PIP5K1B: variants seen among roughly 807,000 people sequenced by gnomAD.
PIP5K1B encodes the protein phosphatidylinositol-4-phosphate 5-kinase type 1 beta.
In PIP5K1B, 42 loss-of-function variants were observed where a neutral mutation model predicts 67.0. That is an observed-to-expected ratio of 0.63 (90% CI 0.49 to 0.81). The LOEUF (loss-of-function observed/expected upper bound fraction) is 0.81. PIP5K1B is among the 30% of genes least tolerant of loss of function. PIP5K1B has a pLI of 0.00. For missense variants in PIP5K1B, 459 were observed against 646.3 expected, an observed-to-expected ratio of 0.71 and a Z score of 3.14; for synonymous variants, 214 against 231.4, an observed-to-expected ratio of 0.92 and a Z score of 0.68.
chr9:68,970,972 G>A (rs953537596), intron 14 of PIP5K1B, among the ~76,000 whole-genome samples: 1 of 152,110 alleles, frequency 6.6e-6, no homozygotes, highest in African/African-American at 2.4e-5. Flanking sequence ...TAAGAACAGC[G>A]ATTTTTATTA....
rs7020231 is a variant in PIP5K1B at position 68,960,949 on chromosome 9, G to A, written c.1502+20159G>A. On this transcript the variant is annotated intron_variant, in intron 14 of 15. Transcript: ENST00000265382. ...TCACCGGCCGGGCGCGGTGGCTCACGCCTGTAATCCCAGCACTTTGGGAGG... is the reference window on the plus strand; with the variant it reads ...TCACCGGCCGGGCGCGGTGGCTCACACCTGTAATCCCAGCACTTTGGGAGG... 5.6e-3 allele frequency among the ~76,000 whole-genome samples: 853 copies of A among 152,132 alleles called. 12 individuals carry two copies. Among genetic ancestry groups the A allele is most frequent in the African/African-American group, 0.02 (810 of 41,512 alleles).
intron 4 of PIP5K1B, among the ~76,000 whole-genome samples, chr9:68,840,111 A>C (rs993192617): frequency 6.6e-6 from 1 of 152,200 alleles, no homozygotes; most frequent in Non-Finnish European, 1.5e-5. Flanking sequence ...GCACAGTGGC[A>C]CATGCCTGTA....
At chr9:68,983,445 T>C (rs1196545889) in intron 14 of PIP5K1B, among the ~76,000 whole-genome samples, 1 of 152,054 alleles carries the variant, frequency 6.6e-6, no homozygotes, top group Non-Finnish European at 1.5e-5. Flanking sequence ...CTTCCTATCT[T>C]TTTTCTGTGT....
chr9:68,731,091 A>C (rs1372935889), intron 1 of PIP5K1B, among the ~76,000 whole-genome samples: 1 of 152,204 alleles, frequency 6.6e-6, no homozygotes, highest in Non-Finnish European at 1.5e-5. Flanking sequence ...GATCCCTTTC[A>C]ATATGTGTGA....
chr9:68,812,236 T>C (rs1447647166), intron 2 of PIP5K1B, among the ~76,000 whole-genome samples: 1 of 152,230 alleles, frequency 6.6e-6, no homozygotes, highest in East Asian at 1.9e-4. Context: ...AACGGATTCT[T>C]TGAAGAATAA....
At chr9:68,784,422 C>T (rs1831492414) in intron 2 of PIP5K1B, 1 of 166,964 alleles carries the variant, frequency 6.0e-6, no homozygotes, top group Admixed American at 6.5e-5. Context: ...AGATCATTAA[C>T]TCCAAGGCTG....
intron 6 of PIP5K1B, among the ~76,000 whole-genome samples, chr9:68,887,564 G>T (rs1169160364): frequency 6.6e-6 from 1 of 152,212 alleles, no homozygotes; most frequent in East Asian, 1.9e-4. Flanking sequence ...TGCAATGTTT[G>T]TCTTTCTGCA....
At chr9:68,738,292 C>A (rs994393486) in intron 1 of PIP5K1B, among the ~76,000 whole-genome samples, 5 of 152,166 alleles carry the variant, frequency 3.3e-5, no homozygotes, top group African/African-American at 1.2e-4. Flanking sequence ...ATAATTGAAA[C>A]AACAGTTGAT....
intron 15 of PIP5K1B, among the ~76,000 whole-genome samples, chr9:68,999,883 G>A (rs1275523144): frequency 6.6e-6 from 1 of 152,216 alleles, no homozygotes; most frequent in Non-Finnish European, 1.5e-5. Context: ...TGAAGAGCAA[G>A]TGTGTGTCTC....
chr9:68,852,771 T>A (rs1056256791), intron 4 of PIP5K1B, among the ~76,000 whole-genome samples: 1 of 152,182 alleles, frequency 6.6e-6, no homozygotes, highest in Non-Finnish European at 1.5e-5. Context: ...TAGGGGCTAC[T>A]AGAGCTACAG....
intron 14 of PIP5K1B, among the ~76,000 whole-genome samples, chr9:68,972,342 G>C (rs929443472): frequency 6.6e-6 from 1 of 152,114 alleles, no homozygotes; most frequent in Non-Finnish European, 1.5e-5. Context: ...TTCCATTGGT[G>C]TATATATCTG....
intron 14 of PIP5K1B, among the ~76,000 whole-genome samples, chr9:68,955,505 T>A (rs746900159): frequency 6.6e-6 from 1 of 152,210 alleles, no homozygotes; most frequent in Non-Finnish European, 1.5e-5. Context: ...TCCCGTGACA[T>A]AGAAACAGTT....
chr9:68,790,615 C>T (rs1381285412), intron 2 of PIP5K1B, among the ~76,000 whole-genome samples: 3 of 152,226 alleles, frequency 2.0e-5, no homozygotes, highest in African/African-American at 4.8e-5. Flanking sequence ...CACACATACA[C>T]ACACGCACCC....
At chr9:68,981,801 T>C (rs1220333396) in intron 14 of PIP5K1B, among the ~76,000 whole-genome samples, 2 of 152,064 alleles carry the variant, frequency 1.3e-5, no homozygotes, top group East Asian at 1.9e-4. Flanking sequence ...AAGAATCTTT[T>C]TTTTTTTTTC....
intron 12 of PIP5K1B, among the ~76,000 whole-genome samples, chr9:68,927,548 T>C (rs552261674): frequency 6.6e-6 from 1 of 152,242 alleles, no homozygotes; most frequent in East Asian, 1.9e-4. Flanking sequence ...TTGTATGTGC[T>C]TATTAGCAAT....
chr9:68,835,837 A>ATTTTTTT (rs9314823), intron 4 of PIP5K1B, among the ~76,000 whole-genome samples: 1 of 144,294 alleles, frequency 6.9e-6, no homozygotes, highest in African/African-American at 2.6e-5. Context: ...TAGAAAGTGA[A>ATTTTTTT]TTTTTTTTTT....
chr9:68,996,738 G>C (rs1463459583), intron 15 of PIP5K1B, among the ~76,000 whole-genome samples: 1 of 152,210 alleles, frequency 6.6e-6, no homozygotes, highest in Non-Finnish European at 1.5e-5. Flanking sequence ...AGCCATTTCT[G>C]CTGAAAAGTG....
chr9:68,924,714 A>C (rs1180123854), intron 12 of PIP5K1B, among the ~76,000 whole-genome samples: 1 of 152,212 alleles, frequency 6.6e-6, no homozygotes, highest in Non-Finnish European at 1.5e-5. Flanking sequence ...TAATTTAGCC[A>C]TACACAACTG....
Position 68,919,486 on chromosome 9 carries a change from G to A in PIP5K1B, c.991G>A (p.Gly331Ser). ...CTTTTGCTCCATCAACAGAATGGGA[G>A]GCATTCCAGCTAAAAGCCATAGGGG... is the stretch of plus-strand genomic sequence containing the variant. ...IITENPDTMG[G>S]IPAKSHRGEK... Residue 331 changes from glycine (G) to serine (S), a missense_variant, in exon 10 of 16, where the codon GGC becomes AGC. By Grantham distance (56) the Gly-to-Ser change is moderately conservative. Around this residue, in one of 2 missense-constraint regions of PIP5K1B, gnomAD observed 290 missense variants for 474.4 expected, o/e 0.61. Coordinates refer to ENST00000265382, the MANE Select transcript of PIP5K1B (RefSeq NM_003558.4). The A allele has an allele frequency of 6.4e-7, 1 of 1,553,174 alleles. No homozygotes were observed. Among genetic ancestry groups the A allele is most frequent in the Non-Finnish European group, 8.8e-7 (1 of 1,134,184 alleles).
Sources: gnomAD v4.1 joint callset for allele counts (sites outside exome capture counted in the v4.1 genomes callset) on GRCh38, gnomAD v4.1.1 for gene constraint, gnomAD v4.1.1 regional missense constraint, MANE v1.5 for transcripts, NCBI Gene and HGNC (gene_info 2026-07-23, HGNC 2026-07-21) for gene names.